TNFAIP8: variants seen among roughly 807,000 people sequenced by gnomAD.
TNFAIP8 encodes the protein tumor necrosis factor alpha-induced protein 8.
In TNFAIP8, 7 loss-of-function variants were observed where a neutral mutation model predicts 13.3. That is an observed-to-expected ratio of 0.52 (90% CI 0.30 to 0.99). The LOEUF (loss-of-function observed/expected upper bound fraction) is 0.99, where lower values mean the gene tolerates loss of function less well. Ranked by LOEUF, TNFAIP8 falls within the 50% of genes least tolerant of loss-of-function variation. The pLI is 0.07. For synonymous variants in TNFAIP8, 94 were observed against 87.6 expected (o/e 1.07, Z -0.41); for missense variants, 258 against 236.9 (o/e 1.09, Z -0.58).
In TNFAIP8 at chr5:119,392,878, A is replaced by G; in HGVS notation, c.94A>G (p.Lys32Glu). Residue 32 changes from lysine (K) to glutamate (E), a missense_variant, in exon 2 of 2, where the codon AAA (lysine) becomes GAA (glutamate). Coordinates refer to ENST00000504771, the MANE Select transcript of TNFAIP8 (RefSeq NM_014350.4). Reference protein sequence around the residue: ...AVQAQKKILGKMVSKSIATTL... With the variant: ...AVQAQKKILGEMVSKSIATTL... ...TCAGGCACAAAAGAAGATCTTGGGT[A>G]AAATGGTGTCCAAATCCATCGCCAC... is the stretch of plus-strand genomic sequence containing the variant. The G allele has an allele frequency of 6.3e-7, 1 of 1,576,188 alleles. No homozygotes were observed. Among genetic ancestry groups the G allele is most frequent in the Non-Finnish European group, 8.6e-7 (1 of 1,160,740 alleles).
intron 1 of TNFAIP8, among the ~76,000 whole-genome samples, chr5:119,381,048 T>C (rs1404549736): frequency 1.3e-5 from 2 of 152,210 alleles, no homozygotes; most frequent in Admixed American, 6.5e-5. Context: ...GTTCCAACTT[T>C]ACTATATATC....
chr5:119,353,867 T>C (rs1164675129), upstream of TNFAIP8, among the ~76,000 whole-genome samples: 1 of 152,230 alleles, frequency 6.6e-6, no homozygotes, highest in Non-Finnish European at 1.5e-5. Context: ...GTTGTCTGGA[T>C]TTGCATAATC....
At chr5:119,326,808 G>T (rs148516086) in intron 1 of TNFAIP8, among the ~76,000 whole-genome samples, 2 of 152,288 alleles carry the variant, frequency 1.3e-5, no homozygotes, top group Non-Finnish European at 2.9e-5. Context: ...TGGGACCCAC[G>T]ATGACACTGA....
At chr5:119,289,064 C>G (rs1748904476) in intron 1 of TNFAIP8, among the ~76,000 whole-genome samples, 1 of 152,180 alleles carries the variant, frequency 6.6e-6, no homozygotes, top group Non-Finnish European at 1.5e-5. Flanking sequence ...CTATTTCTTT[C>G]ATCATGCAGA....
Position 119,356,064 on chromosome 5 carries a change from G to C in TNFAIP8, c.-27G>C. On this transcript the variant is annotated 5_prime_UTR_variant, in exon 1 of 2. Coordinates refer to ENST00000504771, the MANE Select transcript of TNFAIP8 (RefSeq NM_014350.4). The stretch of plus-strand genomic sequence containing the variant: ...GTCCGAGTACATGTGAGCGGTAATC[G>C]CCCCTGCAGCTGGTTATCCTGACAT... 2 of 1,569,834 alleles carry C rather than the reference G, an allele frequency of 1.3e-6. No individual in the cohort carries two copies. The highest frequency in any genetic ancestry group is 2.3e-5 in the South Asian group (2 of 85,826).
intron 1 of TNFAIP8, among the ~76,000 whole-genome samples, chr5:119,346,441 C>T (rs1029503762): frequency 6.6e-6 from 1 of 152,148 alleles, no homozygotes; most frequent in African/African-American, 2.4e-5. Flanking sequence ...TAGAATGGTA[C>T]CAGCTAACAA....
intron 1 of TNFAIP8, among the ~76,000 whole-genome samples, chr5:119,371,109 C>A (rs886826677): frequency 6.6e-6 from 1 of 152,104 alleles, no homozygotes; most frequent in African/African-American, 2.4e-5. Flanking sequence ...GGGTAGCATA[C>A]ATGGTTTTAT....
intron 1 of TNFAIP8, among the ~76,000 whole-genome samples, chr5:119,332,251 C>CT (rs1329502217): frequency 1.3e-5 from 2 of 152,124 alleles, no homozygotes; most frequent in East Asian, 1.9e-4. Context: ...CTTGAGAACT[C>CT]TATGTGCATC....
chr5:119,393,146 A>G lies in TNFAIP8; in HGVS notation c.362A>G (p.Tyr121Cys). 6.2e-7 allele frequency: 1 copy of G among 1,614,026 alleles called. No individual in the cohort carries two copies. Among genetic ancestry groups the G allele is most frequent in the Non-Finnish European group, 8.5e-7 (1 of 1,179,888 alleles). The change falls in exon 2 of 2, where the codon TAT becomes TGT. Residue 121 changes from tyrosine (Y) to cysteine (C), a missense_variant. Physicochemically the swap from Tyr to Cys is radical, Grantham distance 194. Coordinates refer to ENST00000504771, the MANE Select transcript of TNFAIP8 (RefSeq NM_014350.4). ...MTVVSFHQVD[Y>C]TFDRNVLSRL... ...GTGGTCAGTTTCCATCAGGTGGATT[A>G]TACCTTTGACCGGAATGTGTTATCC...
intron 1 of TNFAIP8, among the ~76,000 whole-genome samples, chr5:119,316,837 A>G (rs2112681374): frequency 6.6e-6 from 1 of 152,310 alleles, no homozygotes; most frequent in South Asian, 2.1e-4. Context: ...GGTAATATCC[A>G]AAGACAATTT....
chr5:119,373,118 C>G (rs1313922484), intron 1 of TNFAIP8, among the ~76,000 whole-genome samples: 1 of 152,078 alleles, frequency 6.6e-6, no homozygotes, highest in African/African-American at 2.4e-5. Flanking sequence ...GACACTCAGT[C>G]CCTTCATCCA....
At chr5:119,363,501 G>A (rs1352621712) in intron 1 of TNFAIP8, among the ~76,000 whole-genome samples, 1 of 152,158 alleles carries the variant, frequency 6.6e-6, no homozygotes, top group African/African-American at 2.4e-5. Context: ...CCTCCAACCA[G>A]CATTTGGAAG....
Position 119,303,130 on chromosome 5 carries a change from C to T in TNFAIP8, c.1+34223C>T, listed in dbSNP as rs139827382. ...TGAGGAAACCAGAGCCTGGTTTCCC[C>T]ACAGATTCCTTTAGGGGAGCAGCTA... On this transcript the variant is annotated intron_variant, in intron 1 of 1. Coordinates refer to the TNFAIP8 transcript ENST00000274456. 3.2e-3 allele frequency among the ~76,000 whole-genome samples: 486 copies of T among 152,242 alleles called. 1 individual carries two copies. The highest frequency in any genetic ancestry group is 0.011 in the African/African-American group (461 of 41,536).
intron 1 of TNFAIP8, among the ~76,000 whole-genome samples, chr5:119,374,647 A>G (rs927948204): frequency 1.4e-4 from 22 of 152,192 alleles, no homozygotes; most frequent in African/African-American, 5.3e-4. Flanking sequence ...GCTGTCTGCA[A>G]AGTGATTCAG....
At chr5:119,274,573 C>G (rs1748383212) in intron 1 of TNFAIP8, among the ~76,000 whole-genome samples, 1 of 152,186 alleles carries the variant, frequency 6.6e-6, no homozygotes, top group Non-Finnish European at 1.5e-5. Context: ...ACACACGTAG[C>G]CACTTTGCTC....
rs116223349 is a variant in TNFAIP8, at chr5:119,313,879, A to G, written c.1+44972A>G. 3.1e-3 allele frequency among the ~76,000 whole-genome samples: 465 copies of G among 152,360 alleles called. 3 individuals are homozygous for G. Among genetic ancestry groups the G allele is most frequent in the African/African-American group, 0.011 (451 of 41,580 alleles). On this transcript the variant is annotated intron_variant, in intron 1 of 1. Coordinates refer to the TNFAIP8 transcript ENST00000274456. Reference sequence around the variant, plus strand: ...GTGCTAAAGTGTATGCTGCTGACCAATTCATTTATTCAGCAAATATTAAAG... The same window carrying G: ...GTGCTAAAGTGTATGCTGCTGACCAGTTCATTTATTCAGCAAATATTAAAG...
intron 1 of TNFAIP8, among the ~76,000 whole-genome samples, chr5:119,367,993 A>T (rs1298200969): frequency 6.6e-6 from 1 of 152,184 alleles, no homozygotes; most frequent in Admixed American, 6.5e-5. Flanking sequence ...TCTCCTTGTT[A>T]TCTCTTTCAT....
intron 1 of TNFAIP8, among the ~76,000 whole-genome samples, chr5:119,378,696 GTA>G (rs1485075770): frequency 2.0e-5 from 3 of 152,194 alleles, no homozygotes; most frequent in Non-Finnish European, 4.4e-5. Flanking sequence ...TGGTTATTCT[GTA>G]TGTTTTGGCA....
At chr5:119,378,971 G>A (rs1225512686) in intron 1 of TNFAIP8, among the ~76,000 whole-genome samples, 1 of 152,170 alleles carries the variant, frequency 6.6e-6, no homozygotes, top group African/African-American at 2.4e-5. Flanking sequence ...GGCTAAGGTG[G>A]AGGATCTCTT....
Sources: allele counts gnomAD v4.1 joint callset (sites outside exome capture counted in the v4.1 genomes callset), GRCh38; gene constraint gnomAD v4.1.1; transcripts MANE v1.5; gene names NCBI Gene and HGNC (gene_info 2026-07-23, HGNC 2026-07-21).